The following MTR variants were observed in gnomAD, a reference collection of about 807,000 sequenced individuals.
MTR encodes 5-methyltetrahydrofolate-homocysteine methyltransferase, also known as methionine synthase.
A neutral mutation model predicts 154.8 loss-of-function variants in MTR; 84 were observed. The observed-to-expected ratio is 0.54, with a 90% CI of 0.45 to 0.65. The LOEUF (loss-of-function observed/expected upper bound fraction) is 0.65. Ranked by LOEUF, MTR falls within the 30% of genes least tolerant of loss-of-function variation. MTR has a pLI of 0.00. For synonymous variants in MTR, 554 were observed against 553.9 expected (o/e 1.00, Z 0.00); for missense variants, 1,275 against 1,570.2 (o/e 0.81, Z 3.18).
At chr1:236,895,284 CAG>C (rs765666207) in intron 30 of MTR, 72 bp from the exon 31 acceptor site, 19 of 1,496,458 alleles carry the variant, frequency 1.3e-5, no homozygotes, top group Middle Eastern at 1.8e-4. Flanking sequence ...GGTTCTAATT[CAG>C]GGGGTGGAGG....
At position 236,861,110 on chromosome 1, in the gene MTR, T is replaced by TTTTTTCTTTTTTTGGGCA; in HGVS notation, c.2044-12_2044-11insTTCTTTTTTTGGGCATTT. ...TTCTTTCTTTTTCTTTTTTTTTTTT[T>TTTTTTCTTTTTTTGGGCA]TTTGTCTTTTTTAGGGCATTGAAAA... On this transcript the variant is annotated splice_polypyrimidine_tract_variant and intron_variant, in intron 19 of 32. Transcript: ENST00000366577. 6.5e-7 allele frequency: 1 copy of TTTTTTCTTTTTTTGGGCA among 1,531,876 alleles called. No homozygotes were observed. The highest frequency in any genetic ancestry group is 8.7e-7 in the Non-Finnish European group (1 of 1,146,200). 94.9% of individuals were successfully genotyped at this position (1,531,876 alleles called of 1,614,324 possible).
intron 22 of MTR, among the ~76,000 whole-genome samples, chr1:236,871,504 C>CT (rs1011468437): frequency 7.0e-6 from 1 of 143,324 alleles, no homozygotes; most frequent in Non-Finnish European, 1.6e-5. Flanking sequence ...AATTTTAAAA[C>CT]ATATACAATG....
At chr1:236,838,947 G>T (rs143457641) in intron 15 of MTR, among the ~76,000 whole-genome samples, 21 of 152,254 alleles carry the variant, frequency 1.4e-4, no homozygotes, top group African/African-American at 4.3e-4. Context: ...GCATGTTACC[G>T]TACTGAATAC....
intron 24 of MTR, 93 bp downstream of exon 24, chr1:236,874,939 C>A: frequency 7.0e-7 from 1 of 1,424,642 alleles, no homozygotes; most frequent in Non-Finnish European, 9.8e-7. Flanking sequence ...TTGGATTTTC[C>A]CTTATGTTTA....
At position 236,795,293 on chromosome 1, in the gene MTR, G is replaced by A. The variant is rs1335648730; in HGVS notation, c.-411G>A. 2 of 1,214,610 alleles carry A rather than the reference G, an allele frequency of 1.6e-6. No homozygotes were observed. Among genetic ancestry groups the A allele is most frequent in the African/African-American group, 1.6e-5 (1 of 63,782 alleles). The allele number at this position is 1,214,610 out of a possible 1,614,324, so 75.2% of individuals were successfully genotyped here. A position where few individuals can be genotyped will look rare whatever the true frequency, so the allele number is the denominator to read the frequency against. On this transcript the variant is annotated 5_prime_UTR_variant, in exon 1 of 33. Transcript: ENST00000366577. ...CCACGCCGAGGATAGATTGAGCGCA[G>A]AACTAACCGCGCTCTGAAAGGTTCT...
intron 8 of MTR, chr1:236,819,857 C>A (rs1661818868): frequency 6.5e-6 from 5 of 773,878 alleles, no homozygotes; most frequent in Admixed American, 1.7e-5. Context: ...CTGCTGATGT[C>A]AGTGTCATAT....
intron 18 of MTR, among the ~76,000 whole-genome samples, chr1:236,854,949 T>C (rs1572269501): frequency 6.6e-6 from 1 of 152,334 alleles, no homozygotes; most frequent in Middle Eastern, 3.4e-3. Flanking sequence ...TCATTCTTAA[T>C]GTAACCACGA....
intron 27 of MTR, among the ~76,000 whole-genome samples, chr1:236,887,451 G>C (rs550767195): frequency 6.6e-6 from 1 of 152,214 alleles, no homozygotes; most frequent in Non-Finnish European, 1.5e-5. Context: ...AAAATATTCT[G>C]TGAAAACCTT....
At chr1:236,868,215 G>T (rs1406254659) in intron 22 of MTR, among the ~76,000 whole-genome samples, 1 of 152,084 alleles carries the variant, frequency 6.6e-6, no homozygotes, top group Non-Finnish European at 1.5e-5. Context: ...TGAACATCAA[G>T]TCAAGACCCT....
At chr1:236,834,904 A>G (rs1367706486) in intron 13 of MTR, among the ~76,000 whole-genome samples, 2 of 152,192 alleles carry the variant, frequency 1.3e-5, no homozygotes, top group African/African-American at 2.4e-5. Flanking sequence ...GTAATAGTGC[A>G]TTAAATAATT....
Position 236,825,344 on chromosome 1 carries a change from C to T in MTR, c.872C>T (p.Pro291Leu). 6.2e-7 allele frequency: 1 copy of T among 1,613,176 alleles called. No individual in the cohort carries two copies. Among genetic ancestry groups the T allele is most frequent in the Non-Finnish European group, 8.5e-7 (1 of 1,179,326 alleles). Residue 291 changes from proline (P) to leucine (L), a missense_variant, in exon 10 of 33, where the codon CCC becomes CTC. Transcript: ENST00000366577. ...YVLCYPNAGL[P>L]NTFGDYDETP... ...TTGAATTATCCTTTCTCAGGTCTTC[C>T]CAACACCTTTGGTGACTATGATGAA...
intron 14 of MTR, 76 bp downstream of exon 14, chr1:236,835,763 CA>C (rs1247000044): frequency 2.5e-6 from 4 of 1,584,948 alleles, no homozygotes; most frequent in Non-Finnish European, 3.5e-6. Flanking sequence ...CCAGTTGTCC[CA>C]TTAATCTGTG....
At chr1:236,817,028 A>G (rs996755251) in intron 8 of MTR, among the ~76,000 whole-genome samples, 1 of 152,192 alleles carries the variant, frequency 6.6e-6, no homozygotes, top group Non-Finnish European at 1.5e-5. Context: ...GTATACTATG[A>G]TAGCTCCTAT....
At chr1:236,800,587 C>T (rs1660649795) in intron 1 of MTR, 1 of 719,110 alleles carries the variant, frequency 1.4e-6, no homozygotes, top group Non-Finnish European at 1.7e-6. Flanking sequence ...AGACATTTCC[C>T]AACCTGCAAA....
At chr1:236,838,375 T>G (rs1663028652) in intron 14 of MTR, 39 bp from the exon 15 acceptor site, 1 of 1,601,980 alleles carries the variant, frequency 6.2e-7, no homozygotes, top group Non-Finnish European at 8.6e-7. Flanking sequence ...TATAGTGACC[T>G]GTGGCCTCTG....
rs1217520910 is a variant in MTR, at chr1:236,903,847, T to A, written c.*6203T>A. 1 of 152,232 alleles carries A rather than the reference T, an allele frequency of 6.6e-6. No individual in the cohort carries two copies. Among genetic ancestry groups the A allele is most frequent in the Non-Finnish European group, 1.5e-5 (1 of 68,036 alleles). 9.4% of individuals were successfully genotyped at this position (152,232 alleles called of 1,614,324 possible). ...CTGAAAGAATTTCAATGCTTACCTT[T>A]AATCATGTGACATTGTTTATCTTGG... On this transcript the variant is annotated 3_prime_UTR_variant, in exon 33 of 33. Coordinates refer to ENST00000366577, the MANE Select transcript of MTR (RefSeq NM_000254.3).
At chr1:236,796,097 G>A (rs1347337329) in intron 1 of MTR, among the ~76,000 whole-genome samples, 3 of 151,932 alleles carry the variant, frequency 2.0e-5, no homozygotes, top group Non-Finnish European at 4.4e-5. Flanking sequence ...ACGCTTATTC[G>A]TAAATATGTA....
chr1:236,838,716 A>G (rs1663052913), intron 15 of MTR, 117 bp downstream of exon 15: 5 of 1,056,472 alleles, frequency 4.7e-6, no homozygotes, highest in Non-Finnish European at 7.1e-6. Context: ...ATCTCTTTCC[A>G]TATACATTCA....
intron 4 of MTR, 56 bp from the exon 5 acceptor site, chr1:236,810,447 C>A: frequency 7.1e-7 from 1 of 1,401,174 alleles, no homozygotes; most frequent in Non-Finnish European, 1.0e-6. Flanking sequence ...TATTCATTCA[C>A]GACAAAAAAT....
Sources: gnomAD v4.1 joint callset for allele counts (sites outside exome capture counted in the v4.1 genomes callset) on GRCh38, gnomAD v4.1.1 for gene constraint, MANE v1.5 for transcripts, NCBI Gene and HGNC (gene_info 2026-07-23, HGNC 2026-07-21) for gene names.